SIPA1L1: variants seen among roughly 807,000 people sequenced by gnomAD.
The protein encoded by SIPA1L1 is signal-induced proliferation-associated 1-like protein 1.
A neutral mutation model predicts 162.7 loss-of-function variants in SIPA1L1; 26 were observed. The observed-to-expected ratio is 0.16, with a 90% confidence interval of 0.12 to 0.22. SIPA1L1 has a LOEUF of 0.22. Ranked by LOEUF, SIPA1L1 falls within the 10% of genes least tolerant of loss-of-function variation. The probability of loss-of-function intolerance (pLI) is 1.00; values close to 1 mark genes in which losing one functional copy is unlikely to be tolerated. For synonymous variants in SIPA1L1, 829 were observed against 837.4 expected, an observed-to-expected ratio of 0.99 and a Z score of 0.17; for missense variants, 1,874 against 2,241.0, an observed-to-expected ratio of 0.84 and a Z score of 3.31.
Position 71,511,946 on chromosome 14 carries a change from C to T in SIPA1L1, c.-464-797C>T, listed in dbSNP as rs1168343272. ...AGGGCTTGCCTCCTCCCTTACCCCA[C>T]GATATGCATCTTCCATTTGGCTGTT... is the stretch of plus-strand genomic sequence containing the variant. On this transcript the variant is annotated intron_variant, in intron 2 of 23. Coordinates refer to ENST00000381232, the MANE Select transcript of SIPA1L1 (RefSeq NM_001386936.1). Among the ~76,000 whole-genome samples the T allele has an allele frequency of 2.6e-5, 4 of 152,162 alleles. No homozygotes were observed. The East Asian group carries it at 5.8e-4, about 22-fold the overall frequency.
In SIPA1L1 at chr14:71,469,571, G is replaced by A. The variant is rs564308768; in HGVS notation, c.-464-43172G>A. Among the ~76,000 whole-genome samples the A allele has an allele frequency of 5.3e-5, 8 of 152,298 alleles. No individual in the cohort carries two copies. The East Asian group carries it at 1.4e-3, about 26-fold the overall frequency. Reference sequence around the variant, plus strand: ...AATGATGCTCTCTCTGCTCATCGTAGCGAAGATATCTAATGTGCATGCTGT... The same window carrying A: ...AATGATGCTCTCTCTGCTCATCGTAACGAAGATATCTAATGTGCATGCTGT... On this transcript the variant is annotated intron_variant, in intron 2 of 23. Coordinates refer to ENST00000381232, the MANE Select transcript of SIPA1L1 (RefSeq NM_001386936.1).
intron 2 of SIPA1L1, chr14:71,401,038 T>C (rs1300193559): frequency 1.3e-5 from 2 of 152,194 alleles, no homozygotes; most frequent in East Asian, 3.8e-4. Flanking sequence ...AGAGGTTTAG[T>C]GAGCATGATA....
chr14:71,407,073 C>T (rs189849726), intron 2 of SIPA1L1, among the ~76,000 whole-genome samples: 174 of 152,222 alleles, frequency 1.1e-3, no homozygotes, highest in African/African-American at 4.0e-3. Flanking sequence ...GAAACCCTGC[C>T]TCTACTAAAA....
intron 2 of SIPA1L1, among the ~76,000 whole-genome samples, chr14:71,491,838 A>G (rs1234796516): frequency 1.6e-5 from 2 of 126,582 alleles, no homozygotes; most frequent in African/African-American, 2.9e-5. Flanking sequence ...CCCCACATGA[A>G]GAGTTGGCAT....
chr14:71,717,660 G>A (rs557981622), intron 17 of SIPA1L1, among the ~76,000 whole-genome samples: 2 of 152,278 alleles, frequency 1.3e-5, no homozygotes, highest in South Asian at 4.1e-4. Context: ...TAGCTTCATG[G>A]TAGTTGTATT....
intron 13 of SIPA1L1, among the ~76,000 whole-genome samples, chr14:71,694,891 C>T (rs954034404): frequency 3.3e-5 from 5 of 152,128 alleles, no homozygotes; most frequent in Admixed American, 6.5e-5. Flanking sequence ...AAACAGAGTA[C>T]GCTTGTAAGG....
intron 2 of SIPA1L1, among the ~76,000 whole-genome samples, chr14:71,498,489 G>A (rs1443843684): frequency 1.3e-5 from 2 of 152,140 alleles, no homozygotes; most frequent in Admixed American, 6.5e-5. Flanking sequence ...TTCCCCAAGA[G>A]CTCTTCTCTA....
At chr14:71,360,610 C>T (rs1341038906) in intron 2 of SIPA1L1, among the ~76,000 whole-genome samples, 1 of 152,196 alleles carries the variant, frequency 6.6e-6, no homozygotes, top group African/African-American at 2.4e-5. Context: ...TCATCCTATA[C>T]AAAGTATTTA....
chr14:71,342,650 T>A (rs2140440439), intron 2 of SIPA1L1, among the ~76,000 whole-genome samples: 1 of 152,104 alleles, frequency 6.6e-6, no homozygotes, highest in East Asian at 1.9e-4. Context: ...GGGAAAGGAG[T>A]ACTTTTTTTA....
In SIPA1L1 at chr14:71,356,567, CAAAAA is replaced by C. The variant is rs71105772; in HGVS notation, c.-465+35402_-465+35406del. Among the ~76,000 whole-genome samples the C allele has an allele frequency of 2.7e-3, 106 of 39,162 alleles. 5 individuals are homozygous for C. Among genetic ancestry groups the C allele is most frequent in the African/African-American group, 0.01 (96 of 9,168 alleles). The allele number at this position is 39,162 out of a possible 152,430, so 25.7% of individuals were successfully genotyped here. ...GCAACATAGCAAGACCTTGTCTCTACAAAAAAAAAAAAAAAAAAAAGCACACCTGT... is the reference window on the plus strand; with the variant it reads ...GCAACATAGCAAGACCTTGTCTCTACAAAAAAAAAAAAAAAGCACACCTGT... On this transcript the variant is annotated intron_variant, in intron 2 of 23. Transcript: ENST00000381232.
intron 5 of SIPA1L1, among the ~76,000 whole-genome samples, chr14:71,592,501 T>C (rs1306224945): frequency 6.6e-6 from 1 of 152,116 alleles, no homozygotes; most frequent in Admixed American, 6.5e-5. Flanking sequence ...TACATCAGTG[T>C]CAGATGTAAT....
At chr14:71,673,503 T>A (rs1213038919) in intron 12 of SIPA1L1, among the ~76,000 whole-genome samples, 2 of 152,226 alleles carry the variant, frequency 1.3e-5, no homozygotes, top group African/African-American at 4.8e-5. Flanking sequence ...TGAGCTCTCA[T>A]GGATTTGTGA....
chr14:71,447,096 G>A (rs1465198333), intron 2 of SIPA1L1, among the ~76,000 whole-genome samples: 1 of 146,780 alleles, frequency 6.8e-6, no homozygotes, highest in African/African-American at 2.5e-5. Context: ...TTTTTTTTTT[G>A]GTAGAGATAG....
At chr14:71,550,628 G>A (rs1043543379) in intron 4 of SIPA1L1, among the ~76,000 whole-genome samples, 3 of 151,818 alleles carry the variant, frequency 2.0e-5, no homozygotes, top group East Asian at 3.9e-4. Context: ...CTCTCAAAGC[G>A]ATGTTATCTA....
chr14:71,666,824 A>T (rs183996520), intron 10 of SIPA1L1, among the ~76,000 whole-genome samples: 2 of 147,052 alleles, frequency 1.4e-5, no homozygotes, highest in African/African-American at 5.0e-5. Context: ...AGGAAGCGTG[A>T]TGCATGTCCA....
chr14:71,464,741 T>C (rs2046860438), intron 2 of SIPA1L1, among the ~76,000 whole-genome samples: 1 of 152,194 alleles, frequency 6.6e-6, no homozygotes, highest in Non-Finnish European at 1.5e-5. Context: ...TTCCTTCCAC[T>C]ATTATTCCTT....
At chr14:71,452,584 T>A (rs1222952488) in intron 2 of SIPA1L1, among the ~76,000 whole-genome samples, 2 of 152,216 alleles carry the variant, frequency 1.3e-5, no homozygotes, top group East Asian at 3.8e-4. Context: ...TATTAATATT[T>A]GTTCAGATTT....
At chr14:71,345,660 G>A (rs2036085089) in intron 2 of SIPA1L1, among the ~76,000 whole-genome samples, 1 of 148,146 alleles carries the variant, frequency 6.8e-6, no homozygotes, top group Admixed American at 6.8e-5. Flanking sequence ...TGCAAGCTCT[G>A]CCTCCCGAGT....
intron 14 of SIPA1L1, among the ~76,000 whole-genome samples, chr14:71,701,816 A>G (rs1597091758): frequency 6.6e-6 from 1 of 152,326 alleles, no homozygotes; most frequent in Middle Eastern, 3.4e-3. Flanking sequence ...TCCCAAAGGC[A>G]GTTTAAAATT....
Sources: gnomAD v4.1 joint callset for allele counts (sites outside exome capture counted in the v4.1 genomes callset) on GRCh38, gnomAD v4.1.1 for gene constraint, MANE v1.5 for transcripts, NCBI Gene and HGNC (gene_info 2026-07-23, HGNC 2026-07-21) for gene names.